Variants in PDE8B observed in about 807,000 individuals in gnomAD.
PDE8B encodes the protein phosphodiesterase 8B, also known as high affinity cAMP-specific and IBMX-insensitive 3',5'-cyclic phosphodiesterase 8B.
In PDE8B, 26 loss-of-function variants were observed where a neutral mutation model predicts 101.3. The ratio of observed to expected loss-of-function variants is 0.26; its 90% CI spans 0.19 to 0.36. The LOEUF is 0.36. Ranked by LOEUF, PDE8B falls within the 10% of genes least tolerant of loss-of-function variation. PDE8B has a pLI of 1.00. For synonymous variants in PDE8B, 424 were observed against 429.3 expected (o/e 0.99, Z 0.15); for missense variants, 810 against 1,163.1 (o/e 0.70, Z 4.42).
the PDE8B span, among the ~76,000 whole-genome samples, chr5:77,188,228 A>G: frequency 6.6e-6 from 1 of 152,146 alleles, no homozygotes; most frequent in Admixed American, 6.5e-5. Context: ...GGAGTTCTAG[A>G]TCCTGTCCTG....
chr5:77,306,931 C>T (rs1280235205), intron 1 of PDE8B, among the ~76,000 whole-genome samples: 4 of 152,142 alleles, frequency 2.6e-5, no homozygotes, highest in Non-Finnish European at 5.9e-5. Context: ...AGTTCCTACT[C>T]ATAGTGGTGT....
chr5:77,371,670 T>C (rs1785103989), intron 10 of PDE8B, among the ~76,000 whole-genome samples: 1 of 152,226 alleles, frequency 6.6e-6, no homozygotes, highest in Admixed American at 6.5e-5. Context: ...TGTAGATCAA[T>C]TGGAGAGAAT....
intron 2 of PDE8B, among the ~76,000 whole-genome samples, chr5:77,312,907 CT>C (rs1262850213): frequency 6.6e-6 from 1 of 152,212 alleles, no homozygotes; most frequent in African/African-American, 2.4e-5. Flanking sequence ...GCCCAACCAC[CT>C]GTAGGACTGA....
At chr5:77,097,685 T>TTATATATATA in the PDE8B span, among the ~76,000 whole-genome samples, 397 of 17,964 alleles carry the variant, frequency 0.022, 31 homozygotes, top group Non-Finnish European at 0.038. Flanking sequence ...TGTGGAGATT[T>TTATATATATA]TATATATCTA....
At chr5:77,173,924 AT>A in the PDE8B span, among the ~76,000 whole-genome samples, 1 of 152,080 alleles carries the variant, frequency 6.6e-6, no homozygotes, top group Non-Finnish European at 1.5e-5. Context: ...CTTTTGATGA[AT>A]TTCTTTACTA....
In PDE8B at chr5:77,210,830, C is replaced by G; in HGVS notation, c.-96C>G. 1 of 993,156 alleles carries G rather than the reference C, an allele frequency of 1.0e-6. No individual in the cohort carries two copies. The highest frequency in any genetic ancestry group is 1.2e-6 in the Non-Finnish European group (1 of 836,786). 61.5% of individuals were successfully genotyped at this position (993,156 alleles called of 1,614,324 possible). A position where few individuals can be genotyped will look rare whatever the true frequency, so the allele number is the denominator to read the frequency against. On this transcript the variant is annotated 5_prime_UTR_variant, in exon 1 of 22. Coordinates refer to ENST00000264917, the MANE Select transcript of PDE8B (RefSeq NM_003719.5). The surrounding 1 kb of genome is among the most constrained non-coding windows in gnomAD (Gnocchi z 4.9). ...GGCCGGGGGGCGCGCAGTCCGGGCG[C>G]CGCCGCGGCCGCCCCCTCACTGCAG...
At chr5:77,226,177 T>G (rs1056574055) in intron 1 of PDE8B, among the ~76,000 whole-genome samples, 4 of 116,060 alleles carry the variant, frequency 3.4e-5, no homozygotes, top group Admixed American at 8.7e-5. Context: ...TGTAAATTAT[T>G]TATATGCATC....
chr5:77,360,875 C>A (rs896311896), intron 10 of PDE8B, among the ~76,000 whole-genome samples: 1 of 152,204 alleles, frequency 6.6e-6, no homozygotes, highest in Non-Finnish European at 1.5e-5. Flanking sequence ...CCTACAGAGC[C>A]TCATGACCAC....
At chr5:77,139,604 T>A in the PDE8B span, 2 of 152,238 alleles carry the variant, frequency 1.3e-5, no homozygotes, top group African/African-American at 4.8e-5. Context: ...TTTCTGTCAT[T>A]TCTGGTTCTG....
At chr5:77,190,083 G>A in the PDE8B span, among the ~76,000 whole-genome samples, 1 of 152,090 alleles carries the variant, frequency 6.6e-6, no homozygotes, top group Non-Finnish European at 1.5e-5. Flanking sequence ...CCCATTGGTC[G>A]GGCTTGCCAC....
the PDE8B span, among the ~76,000 whole-genome samples, chr5:77,103,043 A>G: frequency 8.5e-5 from 13 of 152,340 alleles, no homozygotes; most frequent in African/African-American, 3.1e-4. Flanking sequence ...GAGAAAAGGC[A>G]GCCATGGCCC....
chr5:77,165,572 A>T, the PDE8B span: 1 of 145,740 alleles, frequency 6.9e-6, no homozygotes, highest in African/African-American at 2.5e-5. Flanking sequence ...AACAACAAAA[A>T]CAAAAACAAA....
chr5:77,159,072 T>C, the PDE8B span, among the ~76,000 whole-genome samples: 1 of 152,218 alleles, frequency 6.6e-6, no homozygotes. Flanking sequence ...CTACTCTATG[T>C]GGTCTCAATG....
intron 1 of PDE8B, chr5:77,290,204 A>G: frequency 6.5e-7 from 1 of 1,537,376 alleles, no homozygotes; most frequent in Non-Finnish European, 8.8e-7. Flanking sequence ...TGCCTCGCGC[A>G]CTGTGTGTGC....
chr5:77,414,729 C>T (rs943588278), intron 17 of PDE8B, among the ~76,000 whole-genome samples: 27 of 152,206 alleles, frequency 1.8e-4, no homozygotes, highest in African/African-American at 5.5e-4. Flanking sequence ...TGCGCCCGGC[C>T]TATGCTCCTT....
At chr5:77,393,533 TAAAA>T (rs926118537) in intron 10 of PDE8B, among the ~76,000 whole-genome samples, 3 of 152,038 alleles carry the variant, frequency 2.0e-5, no homozygotes, top group African/African-American at 7.2e-5. Context: ...AAATAAAAAA[TAAAA>T]AAATTACAGG....
chr5:77,209,951 T>C (rs12519528), upstream of PDE8B, among the ~76,000 whole-genome samples: 37,309 of 152,108 alleles, frequency 0.25, 5,829 homozygotes, highest in South Asian at 0.35. Flanking sequence ...ATGGGCTTCT[T>C]CTGAAGACTG....
chr5:77,118,525 T>TGAAGGA, the PDE8B span: 32 of 396,974 alleles, frequency 8.1e-5, no homozygotes, highest in Admixed American at 1.4e-3. Context: ...CTGTGAGGTA[T>TGAAGGA]GAAGGAGTAA....
chr5:77,383,257 T>C (rs553826512), intron 10 of PDE8B, among the ~76,000 whole-genome samples: 2 of 152,372 alleles, frequency 1.3e-5, no homozygotes, highest in East Asian at 3.9e-4. Context: ...TGTCTGTTCA[T>C]ATCCTTCGCC....
Sources: gnomAD v4.1 joint callset for allele counts (sites outside exome capture counted in the v4.1 genomes callset) on GRCh38, gnomAD v4.1.1 for gene constraint, Gnocchi (gnomAD v3.1) non-coding constraint, MANE v1.5 for transcripts, NCBI Gene and HGNC (gene_info 2026-07-23, HGNC 2026-07-21) for gene names.